PDE9A: variants seen among roughly 807,000 people sequenced by gnomAD.
The protein encoded by PDE9A is phosphodiesterase 9A.
PDE9A carries 60 observed loss-of-function variants against 87.4 expected under a neutral mutation model. That is an observed-to-expected ratio of 0.69 (90% CI 0.56 to 0.85). The LOEUF (loss-of-function observed/expected upper bound fraction) is 0.85, where lower values mean the gene tolerates loss of function less well. Among genes scored for constraint, PDE9A ranks in the 40% least tolerant of loss-of-function variants. PDE9A has a pLI of 0.00. For missense variants in PDE9A, 665 were observed against 779.0 expected, an observed-to-expected ratio of 0.85 and a Z score of 1.74; for synonymous variants, 272 against 279.4, an observed-to-expected ratio of 0.97 and a Z score of 0.27.
chr21:42,686,788 C>G (rs1315169804), intron 2 of PDE9A, among the ~76,000 whole-genome samples: 1 of 152,104 alleles, frequency 6.6e-6, no homozygotes, highest in African/African-American at 2.4e-5. Flanking sequence ...GCACTCCAGC[C>G]TGGGCAACAG....
At chr21:42,769,781 C>T (rs536355185) in intron 17 of PDE9A, among the ~76,000 whole-genome samples, 30 of 122,236 alleles carry the variant, frequency 2.5e-4, no homozygotes, top group African/African-American at 9.9e-4. Context: ...CACACAGGTA[C>T]ACACAGGCAC....
chr21:42,762,267 G>T, intron 14 of PDE9A, 28 bp downstream of exon 14: 1 of 1,607,870 alleles, frequency 6.2e-7, no homozygotes, highest in South Asian at 1.1e-5. Context: ...CCTCCCACCG[G>T]AGTGGGGGCA....
rs1257291533 is a variant in PDE9A at position 42,775,374 on chromosome 21, G to A, written c.*81G>A. ...CCTTGTGCAGGGAAGAGCTGCCCTG[G>A]GCACCTGGCACCACAAGACCATGTT... On this transcript the variant is annotated 3_prime_UTR_variant, in exon 20 of 20. Coordinates refer to ENST00000291539, the MANE Select transcript of PDE9A (RefSeq NM_002606.3). The A allele has an allele frequency of 1.7e-6, 2 of 1,170,032 alleles. No individual in the cohort carries two copies. The highest frequency in any genetic ancestry group is 1.6e-5 in the African/African-American group (1 of 63,074). The allele number at this position is 1,170,032 out of a possible 1,614,324, so 72.5% of individuals were successfully genotyped here.
intron 14 of PDE9A, 28 bp from the exon 15 acceptor site, chr21:42,765,353 G>A: frequency 7.5e-7 from 1 of 1,341,678 alleles, no homozygotes; most frequent in Non-Finnish European, 1.1e-6. Flanking sequence ...CTATACCCGT[G>A]TTAACACGTT....
At chr21:42,724,592 G>A (rs1451339409) in intron 4 of PDE9A, 1 of 985,252 alleles carries the variant, frequency 1.0e-6, no homozygotes, top group Non-Finnish European at 1.2e-6. Context: ...TAAAGAGGCG[G>A]TTCCGTGAGC....
intron 4 of PDE9A, among the ~76,000 whole-genome samples, chr21:42,730,197 G>A (rs1412367189): frequency 6.6e-6 from 1 of 152,118 alleles, no homozygotes; most frequent in Non-Finnish European, 1.5e-5. Context: ...AGTAGGTGTG[G>A]GCCTTTCTTA....
chr21:42,762,976 AG>A (rs1602540587), intron 14 of PDE9A, among the ~76,000 whole-genome samples: 2 of 152,178 alleles, frequency 1.3e-5, no homozygotes, highest in Non-Finnish European at 2.9e-5. Context: ...TACAGGTGTG[AG>A]CCACCACGCC....
chr21:42,687,848 T>A, intron 2 of PDE9A, 69 bp from the exon 3 acceptor site: 1 of 1,306,468 alleles, frequency 7.7e-7, no homozygotes, highest in Non-Finnish European at 1.1e-6. Flanking sequence ...TCTGGCCCCA[T>A]GTGTACATTC....
chr21:42,664,699 C>T (rs1300199899), intron 1 of PDE9A, among the ~76,000 whole-genome samples: 4 of 152,172 alleles, frequency 2.6e-5, no homozygotes, highest in South Asian at 2.1e-4. Flanking sequence ...CATTCCCATC[C>T]GAATGGAAGC....
At position 42,687,955 on chromosome 21, in the gene PDE9A, T is replaced by C. The variant is rs755533413; in HGVS notation, c.179T>C (p.Met60Thr). Reference protein sequence around the residue: ...TISLLTTDDAMVSIDPTMPAN... With the variant: ...TISLLTTDDATVSIDPTMPAN... ...TCCCTGCTGACCACCGACGACGCCATGGTCTCCATCGACCCCACCATGCCC... is the reference window on the plus strand; with the variant it reads ...TCCCTGCTGACCACCGACGACGCCACGGTCTCCATCGACCCCACCATGCCC... Residue 60 changes from methionine (M) to threonine (T), a missense_variant, in exon 3 of 20, where the codon ATG (methionine) becomes ACG (threonine). Met to Thr is a moderately conservative substitution (Grantham distance 81). Transcript: ENST00000291539. 6.2e-7 allele frequency: 1 copy of C among 1,613,148 alleles called. No individual in the cohort carries two copies. Among genetic ancestry groups the C allele is most frequent in the East Asian group, 2.2e-5 (1 of 44,872 alleles).
chr21:42,734,142 C>G (rs943879357), intron 7 of PDE9A: 7 of 152,066 alleles, frequency 4.6e-5, no homozygotes, highest in Admixed American at 2.0e-4. Flanking sequence ...CCAATCAAAC[C>G]TCTTTTGCTT....
In PDE9A at chr21:42,739,483, T is replaced by C. The variant is rs1388112492; in HGVS notation, c.569-4293T>C. On this transcript the variant is annotated intron_variant, in intron 7 of 19. Transcript: ENST00000291539. This position sits in a 1 kb window ranked among gnomAD's most constrained non-coding sequence, Gnocchi z 4.1. ...CCACATGCTCACCTCTGCCTCCTCC[T>C]GCAGACCTCCCCGCCAGCCCCGTCA... Among the ~76,000 whole-genome samples, 1 of 152,220 alleles carries C rather than the reference T, an allele frequency of 6.6e-6. No homozygotes were observed. The highest frequency in any genetic ancestry group is 1.5e-5 in the Non-Finnish European group (1 of 68,034).
At chr21:42,720,092 A>G (rs1413205472) in intron 4 of PDE9A, among the ~76,000 whole-genome samples, 2 of 152,232 alleles carry the variant, frequency 1.3e-5, no homozygotes, top group African/African-American at 4.8e-5. Flanking sequence ...ACAGGCTGTC[A>G]GATAATGGAC....
chr21:42,663,024 T>C (rs1268460947), intron 1 of PDE9A, among the ~76,000 whole-genome samples: 3 of 115,950 alleles, frequency 2.6e-5, no homozygotes, highest in Admixed American at 9.0e-5. Flanking sequence ...CACACGCACA[T>C]ATCACACACA....
intron 1 of PDE9A, among the ~76,000 whole-genome samples, chr21:42,661,262 C>T (rs143239912): frequency 0.012 from 1,762 of 151,940 alleles, 39 homozygotes; most frequent in African/African-American, 0.041. Context: ...AACTCCTGAC[C>T]ATGTGATCCG....
chr21:42,698,223 C>T (rs2060247182), intron 3 of PDE9A, among the ~76,000 whole-genome samples: 1 of 152,210 alleles, frequency 6.6e-6, no homozygotes, highest in Non-Finnish European at 1.5e-5. Flanking sequence ...TGTCTGCCGC[C>T]CTGTGTCCTT....
rs1021711566 is a variant in PDE9A at position 42,670,705 on chromosome 21, ATACACT to A, written c.70-15480_70-15475del. Among the ~76,000 whole-genome samples, 15 of 151,734 alleles carry A rather than the reference ATACACT, an allele frequency of 9.9e-5. 1 individual carries two copies. The East Asian group carries it at 1.9e-3, about 20-fold the overall frequency. On this transcript the variant is annotated intron_variant, in intron 1 of 19. Transcript: ENST00000291539. ...CACACACATGCTCACACACTCACAC[ATACACT>A]TACACTCACAGTCACATACACCCAC... is the stretch of plus-strand genomic sequence containing the variant.
intron 9 of PDE9A, among the ~76,000 whole-genome samples, chr21:42,752,072 G>C (rs767531278): frequency 2.6e-5 from 4 of 152,074 alleles, no homozygotes; most frequent in African/African-American, 4.8e-5. Context: ...CTCATGCTAA[G>C]ATTCAGGGGG....
chr21:42,770,130 C>T (rs879608329), intron 17 of PDE9A, among the ~76,000 whole-genome samples: 2 of 152,162 alleles, frequency 1.3e-5, no homozygotes, highest in African/African-American at 2.4e-5. Context: ...ACCCAGCCAC[C>T]GAGACCTTGC....
Sources: gnomAD v4.1 joint callset for allele counts (sites outside exome capture counted in the v4.1 genomes callset) on GRCh38, gnomAD v4.1.1 for gene constraint, Gnocchi (gnomAD v3.1) non-coding constraint, MANE v1.5 for transcripts, NCBI Gene and HGNC (gene_info 2026-07-23, HGNC 2026-07-21) for gene names.